ECHDC3: variants seen among roughly 807,000 people sequenced by gnomAD.
ECHDC3 encodes enoyl-CoA hydratase domain containing 3.
ECHDC3 carries 20 observed loss-of-function variants against 17.9 expected under a neutral mutation model. The ratio of observed to expected loss-of-function variants is 1.12; its 90% CI spans 0.79 to 1.63. The LOEUF (loss-of-function observed/expected upper bound fraction) is 1.63, where lower values mean the gene tolerates loss of function less well. ECHDC3 is among the 40% of genes most tolerant of loss of function. The probability of loss-of-function intolerance (pLI) is 0.00; values close to 1 mark genes in which losing one functional copy is unlikely to be tolerated. For synonymous variants in ECHDC3, 177 were observed against 149.7 expected, an observed-to-expected ratio of 1.18 and a Z score of -1.33; for missense variants, 407 against 357.7, an observed-to-expected ratio of 1.14 and a Z score of -1.11.
intron 4 of ECHDC3, among the ~76,000 whole-genome samples, chr10:11,762,713 T>C (rs1337553416): frequency 6.6e-6 from 1 of 152,222 alleles, no homozygotes; most frequent in Non-Finnish European, 1.5e-5. Flanking sequence ...TGCTGGGCTC[T>C]ACGTCTGGTC....
rs1451327196 is a variant in ECHDC3 at position 11,742,436 on chromosome 10, GC to G, written c.-140del. ...TCCCCGCGAAGCCTGGGCCTGTCAG[GC>G]GGTTCCGTCCGGGTCTCGGCCACCG... On this transcript the variant is annotated 5_prime_UTR_variant, in exon 1 of 5. Transcript: ENST00000379215. The G allele has an allele frequency of 8.5e-6, 7 of 820,912 alleles. No individual in the cohort carries two copies. The highest frequency in any genetic ancestry group is 1.1e-5 in the Non-Finnish European group (7 of 618,598). The allele number at this position is 820,912 out of a possible 1,614,324, so 50.9% of individuals were successfully genotyped here.
chr10:11,756,417 T>C (rs1480601339), intron 4 of ECHDC3, among the ~76,000 whole-genome samples: 2 of 152,260 alleles, frequency 1.3e-5, no homozygotes, highest in Non-Finnish European at 2.9e-5. Flanking sequence ...CTTTCTAATG[T>C]ATATGATCTG....
intron 4 of ECHDC3, among the ~76,000 whole-genome samples, chr10:11,761,964 G>C (rs796167339): frequency 6.6e-6 from 1 of 152,108 alleles, no homozygotes; most frequent in African/African-American, 2.4e-5. Context: ...CAGGCATGGT[G>C]GCTCACACCT....
chr10:11,750,763 A>G (rs1831679592), intron 3 of ECHDC3, among the ~76,000 whole-genome samples: 1 of 152,204 alleles, frequency 6.6e-6, no homozygotes, highest in African/African-American at 2.4e-5. Flanking sequence ...AGATAGTTTA[A>G]CCTAATTTTT....
chr10:11,743,987 A>G (rs534824280), intron 1 of ECHDC3, among the ~76,000 whole-genome samples: 47 of 152,340 alleles, frequency 3.1e-4, no homozygotes, highest in Admixed American at 1.1e-3. Context: ...TTAAAGCAGC[A>G]TTATGTTGGG....
At chr10:11,744,194 G>A (rs1477846316) in intron 1 of ECHDC3, among the ~76,000 whole-genome samples, 1 of 152,206 alleles carries the variant, frequency 6.6e-6, no homozygotes, top group African/African-American at 2.4e-5. Flanking sequence ...TTACTGTGAG[G>A]AAGCAAGTTC....
chr10:11,756,085 G>A (rs10508430), intron 4 of ECHDC3, among the ~76,000 whole-genome samples: 24,834 of 152,168 alleles, frequency 0.16, 2,542 homozygotes, highest in East Asian at 0.3. Flanking sequence ...GTTCCAGAAC[G>A]GATTTAGAAT....
Position 11,749,497 on chromosome 10 carries a change from G to C in ECHDC3, c.295G>C (p.Glu99Gln). The C allele has an allele frequency of 6.2e-7, 1 of 1,614,040 alleles. No individual in the cohort carries two copies. Among genetic ancestry groups the C allele is most frequent in the Non-Finnish European group, 8.5e-7 (1 of 1,180,008 alleles). The change falls in exon 3 of 5, where the codon GAG (glutamate) becomes CAG (glutamine). Residue 99 changes from glutamate to glutamine, a missense_variant and splice_region_variant. Physicochemically the swap from Glu to Gln is conservative, Grantham distance 29 (BLOSUM62 2). Coordinates refer to ENST00000379215, the MANE Select transcript of ECHDC3 (RefSeq NM_024693.5). ...NDLKVIIISA[E>Q]GPVFSSGHDL... ...TTCTCAATTGGAAACATTTGCAGCTGAGGGGCCTGTGTTTTCTTCTGGGCA... is the reference window on the plus strand; with the variant it reads ...TTCTCAATTGGAAACATTTGCAGCTCAGGGGCCTGTGTTTTCTTCTGGGCA...
At chr10:11,758,041 C>T (rs59478596) in intron 4 of ECHDC3, among the ~76,000 whole-genome samples, 204 of 152,194 alleles carry the variant, frequency 1.3e-3, no homozygotes, top group African/African-American at 4.7e-3. Flanking sequence ...GCAAACTGGC[C>T]TGGGCAGGAA....
chr10:11,755,040 G>T (rs1832869107), intron 3 of ECHDC3, among the ~76,000 whole-genome samples: 1 of 152,224 alleles, frequency 6.6e-6, no homozygotes, highest in South Asian at 2.1e-4. Flanking sequence ...AGAGACGTTG[G>T]CTGGGCGTGG....
intron 2 of ECHDC3, 96 bp downstream of exon 2, chr10:11,747,566 A>G: frequency 2.1e-6 from 3 of 1,443,780 alleles, no homozygotes; most frequent in Non-Finnish European, 2.8e-6. Flanking sequence ...TAACTGGAGA[A>G]TTGTTTTGAA....
At chr10:11,743,362 C>G (rs1352566845) in intron 1 of ECHDC3, among the ~76,000 whole-genome samples, 2 of 151,098 alleles carry the variant, frequency 1.3e-5, no homozygotes, top group African/African-American at 2.5e-5. Context: ...GTCGTCTTCT[C>G]CTACCCTGAG....
In ECHDC3 at chr10:11,763,143, G is replaced by A. The variant is rs1340838264; in HGVS notation, c.592-81G>A. 4 of 647,740 alleles carry A rather than the reference G, an allele frequency of 6.2e-6. No homozygotes were observed. Among genetic ancestry groups the A allele is most frequent in the Non-Finnish European group, 1.1e-5 (4 of 354,890 alleles). The allele number at this position is 647,740 out of a possible 1,614,324, so 40.1% of individuals were successfully genotyped here. On this transcript the variant is annotated intron_variant, in intron 4 of 4. Transcript: ENST00000379215. The surrounding 1 kb of genome is among the most constrained non-coding windows in gnomAD (Gnocchi z 4.9). ...GATGACGTGGTATTTGAGGAAGCAG[G>A]TCATTGAGCCGAGGCGGGACTCAGG...
At chr10:11,744,488 A>G (rs1297793373) in intron 1 of ECHDC3, among the ~76,000 whole-genome samples, 3 of 152,244 alleles carry the variant, frequency 2.0e-5, no homozygotes, top group African/African-American at 4.8e-5. Flanking sequence ...GTGGTTTACA[A>G]TAATGATCTT....
In ECHDC3 at chr10:11,763,040, G is replaced by T. The variant is rs1219297208; in HGVS notation, c.592-184G>T. On this transcript the variant is annotated intron_variant, in intron 4 of 4. Transcript: ENST00000379215. The surrounding 1 kb of genome is among the most constrained non-coding windows in gnomAD (Gnocchi z 4.9). ...GACAGCCACTGCTCCCCTGGGCCTGGTGTGGTTTCTTCGCTCTTGGAAAGA... is the reference window on the plus strand; with the variant it reads ...GACAGCCACTGCTCCCCTGGGCCTGTTGTGGTTTCTTCGCTCTTGGAAAGA... Among the ~76,000 whole-genome samples, 3 of 152,162 alleles carry T rather than the reference G, an allele frequency of 2.0e-5. No homozygotes were observed. Among genetic ancestry groups the T allele is most frequent in the Non-Finnish European group, 4.4e-5 (3 of 68,032 alleles).
chr10:11,753,911 G>A (rs552574145), intron 3 of ECHDC3, among the ~76,000 whole-genome samples: 1 of 152,222 alleles, frequency 6.6e-6, no homozygotes, highest in African/African-American at 2.4e-5. Context: ...AGTAGGCTGG[G>A]ATTACAGGCA....
At chr10:11,758,067 C>A (rs1445852662) in intron 4 of ECHDC3, among the ~76,000 whole-genome samples, 1 of 152,112 alleles carries the variant, frequency 6.6e-6, no homozygotes, top group African/African-American at 2.4e-5. Context: ...GCCTGTCTCA[C>A]ACTGGATAAG....
chr10:11,755,108 G>T (rs1256658568), intron 3 of ECHDC3, among the ~76,000 whole-genome samples: 1 of 152,094 alleles, frequency 6.6e-6, no homozygotes, highest in African/African-American at 2.4e-5. Context: ...ATCATTTGAG[G>T]TCAGGAATTC....
Position 11,742,464 on chromosome 10 carries a change from C to T in ECHDC3, c.-113C>T. 9.3e-7 allele frequency: 1 copy of T among 1,074,700 alleles called. No individual in the cohort carries two copies. 66.6% of individuals were successfully genotyped at this position (1,074,700 alleles called of 1,614,324 possible). The stretch of plus-strand genomic sequence containing the variant: ...GTTCCGTCCGGGTCTCGGCCACCGT[C>T]GAGTTCCGTCGAGTTCCGTCCCGGC... On this transcript the variant is annotated 5_prime_UTR_variant, in exon 1 of 5. Coordinates refer to ENST00000379215, the MANE Select transcript of ECHDC3 (RefSeq NM_024693.5).
Sources: allele counts gnomAD v4.1 joint callset (sites outside exome capture counted in the v4.1 genomes callset), GRCh38; gene constraint gnomAD v4.1.1; non-coding constraint Gnocchi (gnomAD v3.1); transcripts MANE v1.5; gene names NCBI Gene and HGNC (gene_info 2026-07-23, HGNC 2026-07-21).